Variants in TBC1D5 observed in about 807,000 individuals in gnomAD.
TBC1D5 encodes TBC1 domain family, member 5.
Under a neutral mutation model 100.3 loss-of-function variants are expected in TBC1D5, and 75 were observed. The observed-to-expected ratio is 0.75, with a 90% confidence interval of 0.62 to 0.91. The LOEUF is 0.91. TBC1D5 is among the 40% of genes least tolerant of loss of function. The probability of loss-of-function intolerance (pLI) is 0.00; values close to 1 mark genes in which losing one functional copy is unlikely to be tolerated. For missense variants in TBC1D5, 910 were observed against 942.4 expected, an observed-to-expected ratio of 0.97 and a Z score of 0.45; for synonymous variants, 323 against 325.6, an observed-to-expected ratio of 0.99 and a Z score of 0.09.
rs930740009 is a variant in TBC1D5 at position 17,706,232 on chromosome 3, G to C, written c.-101+33111C>G. ...CGAGGCCCAGGCTGTGGAGGCGGCG[G>C]CCACCACATTGATATTTGTACTTCT... On this transcript the variant is annotated intron_variant, in intron 1 of 21. Coordinates refer to ENST00000253692, the Ensembl canonical transcript of TBC1D5. The C allele has an allele frequency of 6.5e-6, 10 of 1,549,008 alleles. No individual in the cohort carries two copies. The African/African-American group carries it at 1.4e-4, about 21-fold the overall frequency.
At chr3:17,512,082 G>A (rs182317798) in intron 2 of TBC1D5, among the ~76,000 whole-genome samples, 130 of 151,914 alleles carry the variant, frequency 8.6e-4, no homozygotes, top group African/African-American at 3.0e-3. Context: ...TAAGTTTGTC[G>A]GTTACTGCTA....
At position 17,238,510 on chromosome 3, in the gene TBC1D5, C is replaced by T. The variant is rs987783827; in HGVS notation, c.1332-91G>A. On this transcript the variant is annotated intron_variant, in intron 16 of 21. Coordinates refer to ENST00000253692, the Ensembl canonical transcript of TBC1D5. ...TTGGTATAAAAGCACACCTTGTCTGCTTTGAAAAAGGTCATTTACTAGACC... is the reference window on the plus strand; with the variant it reads ...TTGGTATAAAAGCACACCTTGTCTGTTTTGAAAAAGGTCATTTACTAGACC... The T allele has an allele frequency of 4.9e-6, 7 of 1,423,102 alleles. No individual in the cohort carries two copies. In the African/African-American group the frequency reaches 8.6e-5, roughly 18 times the overall value. 88.2% of individuals were successfully genotyped at this position (1,423,102 alleles called of 1,614,324 possible).
chr3:17,239,915 A>C (rs1190523915), intron 16 of TBC1D5, among the ~76,000 whole-genome samples: 2 of 152,244 alleles, frequency 1.3e-5, no homozygotes, highest in African/African-American at 4.8e-5. Context: ...CAAATCATTA[A>C]TAGAAATGAA....
intron 10 of TBC1D5, among the ~76,000 whole-genome samples, 183 bp from the exon 11 acceptor site, chr3:17,374,862 C>T (rs1303931511): frequency 6.6e-6 from 1 of 152,082 alleles, no homozygotes; most frequent in Non-Finnish European, 1.5e-5. Flanking sequence ...AGATCAAAAA[C>T]AAATTAGCTG....
intron 3 of TBC1D5, among the ~76,000 whole-genome samples, chr3:17,448,163 A>G (rs549723210): frequency 3.3e-5 from 5 of 152,266 alleles, no homozygotes; most frequent in Admixed American, 3.3e-4. Context: ...CTCATTCATT[A>G]CAGTTTTATC....
rs187371119 is a variant in TBC1D5, at chr3:17,459,142, A to G, written c.98-30623T>C. On this transcript the variant is annotated intron_variant, in intron 3 of 21. Coordinates refer to ENST00000253692, the Ensembl canonical transcript of TBC1D5. ...TGTGGACACCATAGAGGATATAAAT[A>G]TAAGTAAGATAAAGACTTTATACCT... Among the ~76,000 whole-genome samples the G allele has an allele frequency of 6.2e-4, 95 of 152,358 alleles. 1 individual carries two copies. The highest frequency in any genetic ancestry group is 1.4e-3 in the Admixed American group (22 of 15,306).
chr3:17,570,300 A>G (rs148117988), intron 2 of TBC1D5, among the ~76,000 whole-genome samples: 2,525 of 152,122 alleles, frequency 0.017, 53 homozygotes, highest in South Asian at 0.048. Flanking sequence ...ATTTCCCAGC[A>G]GCTTGACAGA....
intron 1 of TBC1D5, among the ~76,000 whole-genome samples, chr3:17,714,972 A>G (rs1442613516): frequency 6.6e-6 from 1 of 152,220 alleles, no homozygotes; most frequent in East Asian, 1.9e-4. Context: ...AGAGTTTAAG[A>G]CACACTAGAC....
chr3:17,357,340 A>G lies in TBC1D5; in HGVS notation c.995+14735T>C, dbSNP rs556982314. 7.7e-4 allele frequency among the ~76,000 whole-genome samples: 118 copies of G among 152,368 alleles called. 1 individual carries two copies. The highest frequency in any genetic ancestry group is 1.5e-3 in the Non-Finnish European group (103 of 68,034). On this transcript the variant is annotated intron_variant, in intron 13 of 21. Coordinates refer to ENST00000253692, the Ensembl canonical transcript of TBC1D5. ...ATACAATCCACTGAAAAGGATAATT[A>G]GATAACTAATCACCTTCACTACTGT...
At chr3:17,514,029 A>C (rs1333995238) in intron 2 of TBC1D5, among the ~76,000 whole-genome samples, 1 of 152,172 alleles carries the variant, frequency 6.6e-6, no homozygotes, top group Non-Finnish European at 1.5e-5. Context: ...GAAAGGAGGA[A>C]AGAAGAAAGG....
intron 2 of TBC1D5, among the ~76,000 whole-genome samples, chr3:17,585,966 G>A (rs1026873917): frequency 2.0e-5 from 3 of 152,056 alleles, no homozygotes; most frequent in Non-Finnish European, 4.4e-5. Flanking sequence ...AAATGGTGGG[G>A]GAGTGGGGAG....
intron 13 of TBC1D5, among the ~76,000 whole-genome samples, chr3:17,361,818 T>C (rs2091743440): frequency 6.6e-6 from 1 of 152,042 alleles, no homozygotes; most frequent in Non-Finnish European, 1.5e-5. Flanking sequence ...TCTGACCTCC[T>C]ACCTTCAACA....
At chr3:17,164,488 G>A (rs1436631979) in intron 21 of TBC1D5, among the ~76,000 whole-genome samples, 1 of 152,232 alleles carries the variant, frequency 6.6e-6, no homozygotes, top group African/African-American at 2.4e-5. Context: ...CCATAACTGG[G>A]AGCTCATGAG....
At chr3:17,703,529 A>G (rs1028350533) in intron 1 of TBC1D5, among the ~76,000 whole-genome samples, 2 of 152,170 alleles carry the variant, frequency 1.3e-5, no homozygotes, top group Non-Finnish European at 2.9e-5. Context: ...ATTCTTTATC[A>G]TAAGATGTGC....
rs559324013 is a variant in TBC1D5, at chr3:17,334,154, G to A, written c.996-26020C>T. Among the ~76,000 whole-genome samples the A allele has an allele frequency of 7.2e-5, 11 of 152,058 alleles. No individual in the cohort carries two copies. In the South Asian group the frequency reaches 2.1e-3, roughly 29 times the overall value. ...TGAAGGCTCTTGAGGTGGTGTGGTC[G>A]CTGGAAATATGACCGTGAGAGTGAG... On this transcript the variant is annotated intron_variant, in intron 13 of 21. Transcript: ENST00000253692.
intron 13 of TBC1D5, among the ~76,000 whole-genome samples, chr3:17,342,568 T>C (rs1255927052): frequency 6.6e-6 from 1 of 152,252 alleles, no homozygotes; most frequent in Non-Finnish European, 1.5e-5. Flanking sequence ...TTTTACATAT[T>C]AGCTAATGTC....
At position 17,587,130 on chromosome 3, in the gene TBC1D5, A is replaced by T. The variant is rs538746303; in HGVS notation, c.-36+36719T>A. ...TTTCACAGCCTTTTTCTAAAGAAAA[A>T]TTTTTTTTCATCTTTAGTAATACAC... On this transcript the variant is annotated intron_variant, in intron 2 of 21. Transcript: ENST00000253692. Among the ~76,000 whole-genome samples the T allele has an allele frequency of 1.8e-4, 27 of 151,984 alleles. No homozygotes were observed. In the South Asian group the frequency reaches 2.5e-3, roughly 14 times the overall value.
intron 15 of TBC1D5, among the ~76,000 whole-genome samples, chr3:17,264,292 A>G (rs945757895): frequency 6.6e-6 from 1 of 152,068 alleles, no homozygotes; most frequent in East Asian, 1.9e-4. Flanking sequence ...CATCCAACAA[A>G]GGTAATTACA....
chr3:17,623,093 C>T (rs1032337694), intron 2 of TBC1D5, among the ~76,000 whole-genome samples: 2 of 152,088 alleles, frequency 1.3e-5, no homozygotes, highest in African/African-American at 4.8e-5. Flanking sequence ...ATGAGCACCC[C>T]ACAATTAAAA....
Sources: gnomAD v4.1 joint callset for allele counts (sites outside exome capture counted in the v4.1 genomes callset) on GRCh38, gnomAD v4.1.1 for gene constraint, MANE v1.5 for transcripts, NCBI Gene and HGNC (gene_info 2026-07-23, HGNC 2026-07-21) for gene names.